GABRB1: variants seen among roughly 807,000 people sequenced by gnomAD.
The protein encoded by GABRB1 is gamma-aminobutyric acid receptor subunit beta-1.
A neutral mutation model predicts 51.6 loss-of-function variants in GABRB1; 17 were observed. That is an observed-to-expected ratio of 0.33 (90% CI 0.23 to 0.49). The LOEUF is 0.49. Ranked by LOEUF, GABRB1 falls within the 20% of genes least tolerant of loss-of-function variation. GABRB1 has a pLI of 0.99. For missense variants in GABRB1, 410 were observed against 600.6 expected, an observed-to-expected ratio of 0.68 and a Z score of 3.32; for synonymous variants, 247 against 218.9, an observed-to-expected ratio of 1.13 and a Z score of -1.14.
At chr4:47,080,280 C>G (rs1172815684) in intron 3 of GABRB1, among the ~76,000 whole-genome samples, 1 of 143,964 alleles carries the variant, frequency 6.9e-6, no homozygotes, top group African/African-American at 2.6e-5. Context: ...CTTTCTGTGG[C>G]AGATCCCAAA....
intron 5 of GABRB1, among the ~76,000 whole-genome samples, chr4:47,348,216 TCA>T (rs1287496205): frequency 6.6e-6 from 1 of 152,200 alleles, no homozygotes; most frequent in Non-Finnish European, 1.5e-5. Context: ...ATCATGCTGT[TCA>T]GTTACCCTGA....
intron 3 of GABRB1, among the ~76,000 whole-genome samples, chr4:47,132,417 G>GTTTGT (rs1716461831): frequency 6.7e-6 from 1 of 150,338 alleles, no homozygotes; most frequent in Non-Finnish European, 1.5e-5. Context: ...GTTTGGTTTG[G>GTTTGT]TTTGGTTTGG....
intron 3 of GABRB1, among the ~76,000 whole-genome samples, chr4:47,112,424 T>A (rs1424065177): frequency 2.6e-5 from 4 of 152,182 alleles, no homozygotes; most frequent in Non-Finnish European, 5.9e-5. Flanking sequence ...TATTCTACAA[T>A]TGTGTTACTA....
At chr4:47,193,272 G>A (rs375370162) in intron 4 of GABRB1, among the ~76,000 whole-genome samples, 18 of 152,076 alleles carry the variant, frequency 1.2e-4, no homozygotes, top group African/African-American at 3.1e-4. Context: ...ACAGGCATGC[G>A]CCACCACACC....
At chr4:47,171,745 C>T (rs557135636) in intron 4 of GABRB1, among the ~76,000 whole-genome samples, 25 of 152,092 alleles carry the variant, frequency 1.6e-4, no homozygotes, top group Non-Finnish European at 1.5e-4. Flanking sequence ...GATAGTTCCT[C>T]ATTTATAGAA....
intron 3 of GABRB1, among the ~76,000 whole-genome samples, chr4:47,087,167 T>C (rs4396968): frequency 0.85 from 129,353 of 152,168 alleles, 55,108 homozygotes; most frequent in South Asian, 0.91. Flanking sequence ...AATAATTAAA[T>C]CAGGCTGTTA....
chr4:47,408,148 T>C (rs983349343), intron 8 of GABRB1, among the ~76,000 whole-genome samples: 3 of 152,122 alleles, frequency 2.0e-5, no homozygotes, highest in Non-Finnish European at 4.4e-5. Context: ...AGTATTTGGG[T>C]CAGATTTAAG....
intron 8 of GABRB1, among the ~76,000 whole-genome samples, chr4:47,422,271 C>T (rs1046260678): frequency 2.0e-5 from 3 of 152,174 alleles, no homozygotes; most frequent in Non-Finnish European, 4.4e-5. Flanking sequence ...CTTTCTCAAT[C>T]CTTCTTTTCC....
At chr4:47,043,589 C>G (rs1369022492) in intron 3 of GABRB1, among the ~76,000 whole-genome samples, 1 of 152,004 alleles carries the variant, frequency 6.6e-6, no homozygotes, top group Non-Finnish European at 1.5e-5. Flanking sequence ...TTATACATCA[C>G]CTTTAGTTCT....
intron 3 of GABRB1, among the ~76,000 whole-genome samples, chr4:47,138,537 A>G (rs1716775155): frequency 6.6e-6 from 1 of 152,056 alleles, no homozygotes; most frequent in Non-Finnish European, 1.5e-5. Context: ...TGAGACATAA[A>G]CATGTCATCA....
At chr4:47,048,021 T>G (rs1372711768) in intron 3 of GABRB1, among the ~76,000 whole-genome samples, 1 of 152,166 alleles carries the variant, frequency 6.6e-6, no homozygotes. Flanking sequence ...TTGGCTTAGA[T>G]GGCTGTGCTG....
chr4:47,212,716 C>G (rs1720410707), intron 4 of GABRB1, among the ~76,000 whole-genome samples: 1 of 152,028 alleles, frequency 6.6e-6, no homozygotes. Flanking sequence ...CAACCCCCTT[C>G]TTTTCATAAG....
chr4:47,261,595 A>G (rs1722439155), intron 4 of GABRB1, among the ~76,000 whole-genome samples: 1 of 152,148 alleles, frequency 6.6e-6, no homozygotes, highest in Non-Finnish European at 1.5e-5. Context: ...AAGAATCAAT[A>G]TCGTGAAAAT....
At chr4:47,054,555 C>T (rs1726505211) in intron 3 of GABRB1, among the ~76,000 whole-genome samples, 1 of 151,734 alleles carries the variant, frequency 6.6e-6, no homozygotes, top group Non-Finnish European at 1.5e-5. Context: ...AGAGTAGTTG[C>T]ATTGTTACTA....
intron 3 of GABRB1, among the ~76,000 whole-genome samples, chr4:47,104,443 A>T (rs1370774571): frequency 6.6e-6 from 1 of 151,686 alleles, no homozygotes; most frequent in Non-Finnish European, 1.5e-5. Flanking sequence ...ACTGTAATTA[A>T]TTTTTAATTT....
At chr4:47,091,031 A>C (rs1292612389) in intron 3 of GABRB1, among the ~76,000 whole-genome samples, 1 of 152,034 alleles carries the variant, frequency 6.6e-6, no homozygotes, top group African/African-American at 2.4e-5. Context: ...TCCACAGGGC[A>C]ACTTCCCCCA....
intron 4 of GABRB1, among the ~76,000 whole-genome samples, chr4:47,245,625 A>T (rs1721708879): frequency 6.6e-6 from 1 of 152,124 alleles, no homozygotes; most frequent in Non-Finnish European, 1.5e-5. Flanking sequence ...GAAACCCAAT[A>T]GGAAGCTACA....
intron 3 of GABRB1, among the ~76,000 whole-genome samples, chr4:47,114,197 G>T (rs1715365239): frequency 7.8e-6 from 1 of 127,454 alleles, no homozygotes; most frequent in Non-Finnish European, 1.7e-5. Flanking sequence ...TCATTCCAAG[G>T]CGTATGAAGA....
chr4:47,270,713 C>A (rs1722840075), intron 4 of GABRB1, among the ~76,000 whole-genome samples: 1 of 152,170 alleles, frequency 6.6e-6, no homozygotes, highest in South Asian at 2.1e-4. Context: ...ACATTCGGTA[C>A]TCTTGTCTTC....
Sources: allele counts gnomAD v4.1 joint callset (sites outside exome capture counted in the v4.1 genomes callset), GRCh38; gene constraint gnomAD v4.1.1; transcripts MANE v1.5; gene names NCBI Gene and HGNC (gene_info 2026-07-23, HGNC 2026-07-21).